Variants in NTNG1 observed in about 807,000 individuals in gnomAD.
NTNG1 encodes netrin-G1.
NTNG1 carries 16 observed loss-of-function variants against 54.0 expected under a neutral mutation model. The ratio of observed to expected loss-of-function variants is 0.30; its 90% CI spans 0.20 to 0.45. NTNG1 has a LOEUF of 0.45. Among genes scored for constraint, NTNG1 ranks in the 20% least tolerant of loss-of-function variants. The pLI, the probability that NTNG1 is intolerant of heterozygous loss-of-function variation, is 1.00. For synonymous variants in NTNG1, 255 were observed against 263.1 expected (o/e 0.97, Z 0.30); for missense variants, 530 against 678.7 (o/e 0.78, Z 2.43).
At chr1:107,410,643 A>AT (rs1310277524) in intron 5 of NTNG1, 2 of 152,096 alleles carry the variant, frequency 1.3e-5, no homozygotes. Flanking sequence ...TTCAGATTGC[A>AT]TTTTTTAATA....
rs997053406 is a variant in NTNG1, at chr1:107,483,673, A to T, written c.*2833A>T. Reference sequence around the variant, plus strand: ...CAGTTGTTCATATATTTGAGGTCCTAATTCTTGGTATTTTTTCCCTTTGAT... The same window carrying T: ...CAGTTGTTCATATATTTGAGGTCCTTATTCTTGGTATTTTTTCCCTTTGAT... On this transcript the variant is annotated 3_prime_UTR_variant, in exon 8 of 8. Coordinates refer to ENST00000370068, the MANE Select transcript of NTNG1 (RefSeq NM_001113226.3). Among the ~76,000 whole-genome samples, 3 of 146,156 alleles carry T rather than the reference A, an allele frequency of 2.1e-5. No homozygotes were observed. The highest frequency in any genetic ancestry group is 7.4e-5 in the African/African-American group (3 of 40,416).
intron 2 of NTNG1, among the ~76,000 whole-genome samples, chr1:107,168,049 AC>A (rs1655940559): frequency 6.6e-6 from 1 of 152,004 alleles, no homozygotes; most frequent in African/African-American, 2.4e-5. Flanking sequence ...AAGGAAAAAC[AC>A]CCTGTAATTT....
At chr1:107,329,013 C>A (rs1421944003) in intron 3 of NTNG1, 3 of 152,090 alleles carry the variant, frequency 2.0e-5, no homozygotes, top group East Asian at 1.9e-4. Flanking sequence ...AGGTAATTAT[C>A]GGTCATTTTT....
chr1:107,445,191 T>C (rs536124), intron 7 of NTNG1, among the ~76,000 whole-genome samples: 6,296 of 152,100 alleles, frequency 0.041, 289 homozygotes, highest in African/African-American at 0.11. Context: ...CACAGTGAGG[T>C]GAAAGGAAGC....
At chr1:107,400,585 A>C (rs1205804979) in intron 4 of NTNG1, among the ~76,000 whole-genome samples, 1 of 152,198 alleles carries the variant, frequency 6.6e-6, no homozygotes, top group Non-Finnish European at 1.5e-5. Flanking sequence ...ATAGGAACTA[A>C]AATGTGAGAA....
intron 3 of NTNG1, among the ~76,000 whole-genome samples, chr1:107,364,782 C>A (rs1391652896): frequency 6.6e-6 from 1 of 152,108 alleles, no homozygotes; most frequent in African/African-American, 2.4e-5. Context: ...AGAGTAGTTC[C>A]AAGTGCGAAA....
At chr1:107,157,885 A>G (rs1172539813) in intron 2 of NTNG1, among the ~76,000 whole-genome samples, 1 of 152,116 alleles carries the variant, frequency 6.6e-6, no homozygotes, top group African/African-American at 2.4e-5. Context: ...CAAAATATGA[A>G]TATCTTTTTG....
intron 3 of NTNG1, among the ~76,000 whole-genome samples, chr1:107,344,289 T>A (rs556725698): frequency 6.6e-6 from 1 of 152,310 alleles, no homozygotes; most frequent in East Asian, 1.9e-4. Flanking sequence ...CCAAAGTTTT[T>A]ATGGAAAAAG....
At chr1:107,331,438 G>T (rs1378001162) in intron 3 of NTNG1, among the ~76,000 whole-genome samples, 1 of 152,054 alleles carries the variant, frequency 6.6e-6, no homozygotes, top group East Asian at 1.9e-4. Flanking sequence ...ACTTTCAAAT[G>T]TGTGATTGGG....
chr1:107,374,857 A>C (rs966282505), intron 3 of NTNG1, among the ~76,000 whole-genome samples: 1 of 151,544 alleles, frequency 6.6e-6, no homozygotes, highest in Non-Finnish European at 1.5e-5. Flanking sequence ...GTGATTTATT[A>C]AGTTATTTGG....
In NTNG1 at chr1:107,436,808, C is replaced by T. The variant is rs532964299; in HGVS notation, c.1390+9C>T. On this transcript the variant is annotated intron_variant, in intron 7 of 7. Coordinates refer to ENST00000370068, the MANE Select transcript of NTNG1 (RefSeq NM_001113226.3). ...GCACTACGGCTGTCAACGTAAGTAA[C>T]TCTGGGAGCTGCCCTCTGCCTGCTG... 2.9e-5 allele frequency: 46 copies of T among 1,612,686 alleles called. 1 individual carries two copies. The South Asian group carries it at 4.1e-4, about 14-fold the overall frequency.
At chr1:107,331,716 A>T (rs1557906382) in intron 3 of NTNG1, among the ~76,000 whole-genome samples, 1 of 152,124 alleles carries the variant, frequency 6.6e-6, no homozygotes, top group Admixed American at 6.6e-5. Context: ...AAGCAAGTTC[A>T]TACTTCAAGT....
At chr1:107,346,453 C>A (rs1022026629) in intron 3 of NTNG1, among the ~76,000 whole-genome samples, 1 of 152,122 alleles carries the variant, frequency 6.6e-6, no homozygotes, top group Non-Finnish European at 1.5e-5. Flanking sequence ...ATGACCCATG[C>A]CCCTTTCTAG....
chr1:107,280,366 A>G (rs1408563818), intron 2 of NTNG1, among the ~76,000 whole-genome samples: 2 of 151,332 alleles, frequency 1.3e-5, no homozygotes, highest in Non-Finnish European at 2.9e-5. Flanking sequence ...CTCTTCTCTC[A>G]TAAGTGTGTA....
intron 2 of NTNG1, among the ~76,000 whole-genome samples, chr1:107,182,811 G>T (rs72981609): frequency 0.01 from 1,567 of 152,246 alleles, 16 homozygotes; most frequent in African/African-American, 0.036. Flanking sequence ...CAAGGACAGA[G>T]GAGTCAGAGA....
At chr1:107,182,988 T>A (rs1355980692) in intron 2 of NTNG1, among the ~76,000 whole-genome samples, 1 of 152,160 alleles carries the variant, frequency 6.6e-6, no homozygotes, top group Non-Finnish European at 1.5e-5. Flanking sequence ...AAACATGGGA[T>A]CTAGCAGGCT....
At chr1:107,409,258 G>C (rs574165127) in intron 5 of NTNG1, 1 of 152,184 alleles carries the variant, frequency 6.6e-6, no homozygotes, top group East Asian at 1.9e-4. Context: ...GTGCATTTTA[G>C]TGCAACAGGG....
At chr1:107,312,596 C>T (rs1667079669) in intron 2 of NTNG1, among the ~76,000 whole-genome samples, 3 of 152,028 alleles carry the variant, frequency 2.0e-5, no homozygotes, top group East Asian at 1.9e-4. Flanking sequence ...TATACCAGTG[C>T]GAATTGAAGT....
intron 2 of NTNG1, among the ~76,000 whole-genome samples, chr1:107,230,336 C>T (rs1477391667): frequency 1.3e-5 from 2 of 152,104 alleles, no homozygotes; most frequent in Non-Finnish European, 2.9e-5. Context: ...CCTGCAGGTT[C>T]CAGTCAGTCC....
Sources: allele counts gnomAD v4.1 joint callset (sites outside exome capture counted in the v4.1 genomes callset), GRCh38; gene constraint gnomAD v4.1.1; transcripts MANE v1.5; gene names NCBI Gene and HGNC (gene_info 2026-07-23, HGNC 2026-07-21).